PIGN: variants seen among roughly 807,000 people sequenced by gnomAD.
The protein encoded by PIGN is phosphatidylinositol glycan anchor biosynthesis class N, also known as GPI ethanolamine phosphate transferase 1.
In PIGN, 117 loss-of-function variants were observed where a neutral mutation model predicts 125.4. The ratio of observed to expected loss-of-function variants is 0.93; its 90% CI spans 0.80 to 1.09. PIGN has a LOEUF of 1.09. PIGN is among the 50% of genes least tolerant of loss of function. The pLI is 0.00. For missense variants in PIGN, 1,075 were observed against 1,094.9 expected (o/e 0.98, Z 0.26); for synonymous variants, 392 against 377.8 (o/e 1.04, Z -0.44).
intron 4 of PIGN, among the ~76,000 whole-genome samples, chr18:62,158,989 C>G (rs940127456): frequency 6.6e-6 from 1 of 152,212 alleles, no homozygotes; most frequent in African/African-American, 2.4e-5. Flanking sequence ...CGGTGGCTCA[C>G]GCCTGTAATC....
intron 23 of PIGN, among the ~76,000 whole-genome samples, chr18:62,026,916 G>A (rs1008330718): frequency 2.7e-4 from 41 of 152,248 alleles, no homozygotes; most frequent in African/African-American, 7.0e-4. Flanking sequence ...GGAGGCTGAC[G>A]GGGGGCCAAG....
rs1395088197 is a variant in PIGN, at chr18:62,086,616, TTG to T, written c.2371-1354_2371-1353del. 1.3e-3 allele frequency among the ~76,000 whole-genome samples: 141 copies of T among 105,240 alleles called. 1 individual carries two copies. The highest frequency in any genetic ancestry group is 7.0e-3 in the African/African-American group (133 of 19,084). The allele number at this position is 105,240 out of a possible 152,430, so 69.0% of individuals were successfully genotyped here. On this transcript the variant is annotated intron_variant, in intron 25 of 30. Transcript: ENST00000640252. ...TAGTGACAGAGTAAGACTCCGTTTT[TTG>T]TTTTTTTTTTTTTTTTAAAAAGCCT... is the stretch of plus-strand genomic sequence containing the variant.
chr18:62,065,763 C>G (rs1344807958), intron 30 of PIGN, among the ~76,000 whole-genome samples: 1 of 152,016 alleles, frequency 6.6e-6, no homozygotes, highest in Non-Finnish European at 1.5e-5. Flanking sequence ...AAAAAAAAGA[C>G]AGGCTTATGT....
chr18:62,072,847 T>A (rs1359352429), intron 29 of PIGN, 122 bp from the exon 30 acceptor site: 1 of 624,194 alleles, frequency 1.6e-6, no homozygotes, highest in Admixed American at 3.2e-5. Flanking sequence ...CTGACTGTAA[T>A]CAACAAGAAT....
At chr18:62,168,528 A>G (rs1314733496) in intron 1 of PIGN, among the ~76,000 whole-genome samples, 4 of 152,156 alleles carry the variant, frequency 2.6e-5, no homozygotes, top group Non-Finnish European at 4.4e-5. Flanking sequence ...AGGATAAGTT[A>G]TATACACCAT....
intron 1 of PIGN, among the ~76,000 whole-genome samples, chr18:62,173,806 G>A (rs2037420293): frequency 6.6e-6 from 1 of 152,136 alleles, no homozygotes; most frequent in South Asian, 2.1e-4. Context: ...ACTAAATTCT[G>A]CCAATTCAAC....
intron 30 of PIGN, chr18:62,070,266 G>A (rs957744930): frequency 7.9e-5 from 31 of 394,726 alleles, no homozygotes; most frequent in Non-Finnish European, 1.0e-4. Flanking sequence ...GCCACTATCC[G>A]CCTGGACACT....
chr18:62,156,799 G>A (rs1223147475), intron 6 of PIGN, among the ~76,000 whole-genome samples: 1 of 152,096 alleles, frequency 6.6e-6, no homozygotes. Flanking sequence ...CTATGAGACA[G>A]AAACTAATAT....
chr18:62,058,699 C>T (rs1186127846), intron 30 of PIGN: 1 of 152,182 alleles, frequency 6.6e-6, no homozygotes, highest in Non-Finnish European at 1.5e-5. Flanking sequence ...AATGACTTAT[C>T]TTTTCTTAAT....
At chr18:62,174,235 A>C (rs999697075) in intron 1 of PIGN, 1 of 151,652 alleles carries the variant, frequency 6.6e-6, no homozygotes, top group Non-Finnish European at 1.5e-5. Flanking sequence ...AAAACTGATC[A>C]TTTCTCATCT....
chr18:62,186,171 C>T (rs1254062158), intron 1 of PIGN: 1 of 151,908 alleles, frequency 6.6e-6, no homozygotes, highest in Non-Finnish European at 1.5e-5. Flanking sequence ...CTGCCTCAGC[C>T]TCCTGAGTAG....
intron 4 of PIGN, 93 bp from the exon 5 acceptor site, chr18:62,157,901 C>A: frequency 1.6e-6 from 2 of 1,226,938 alleles, no homozygotes; most frequent in South Asian, 1.6e-5. Flanking sequence ...CAGAAGGAAT[C>A]AAAAGCAAAA....
chr18:62,157,836 A>G, intron 4 of PIGN, 28 bp from the exon 5 acceptor site: 2 of 1,583,324 alleles, frequency 1.3e-6, no homozygotes, highest in Non-Finnish European at 1.7e-6. Context: ...CAAATAGTTA[A>G]CACAGACTAT....
intron 25 of PIGN, among the ~76,000 whole-genome samples, chr18:62,085,588 G>T (rs1487109717): frequency 1.3e-5 from 2 of 152,092 alleles, no homozygotes; most frequent in African/African-American, 4.8e-5. Context: ...GAAAAACATG[G>T]ATCTAGTGTG....
At chr18:62,067,915 C>T (rs1180440212) in intron 30 of PIGN, among the ~76,000 whole-genome samples, 5 of 152,234 alleles carry the variant, frequency 3.3e-5, no homozygotes, top group African/African-American at 9.6e-5. Context: ...GTCTCACTCA[C>T]GAATAGGAAG....
chr18:62,054,996 A>AG (rs1215625749), intron 30 of PIGN, among the ~76,000 whole-genome samples: 1 of 152,224 alleles, frequency 6.6e-6, no homozygotes, highest in Admixed American at 6.5e-5. Context: ...AAAATGAGAT[A>AG]TCACTACACA....
chr18:62,169,738 A>G (rs2037284997), intron 1 of PIGN, among the ~76,000 whole-genome samples: 2 of 152,038 alleles, frequency 1.3e-5, no homozygotes, highest in African/African-American at 4.8e-5. Context: ...CTCCCACCTC[A>G]GCCTCCTGAG....
chr18:62,137,243 G>T, intron 14 of PIGN: 2 of 405,584 alleles, frequency 4.9e-6, no homozygotes, highest in South Asian at 1.3e-4. Context: ...TTAGACTCTT[G>T]GACTTACACC....
chr18:62,185,499 T>G (rs10439025), intron 1 of PIGN, among the ~76,000 whole-genome samples: 1 of 151,932 alleles, frequency 6.6e-6, no homozygotes, highest in Non-Finnish European at 1.5e-5. Context: ...AGCCTGGGTA[T>G]ATTGAAATTA....
Sources: allele counts gnomAD v4.1 joint callset (sites outside exome capture counted in the v4.1 genomes callset), GRCh38; gene constraint gnomAD v4.1.1; transcripts MANE v1.5; gene names NCBI Gene and HGNC (gene_info 2026-07-23, HGNC 2026-07-21).